TSHZ2: variants seen among roughly 807,000 people sequenced by gnomAD.
TSHZ2 encodes the protein teashirt zinc finger homeobox 2, also known as teashirt homolog 2.
A neutral mutation model predicts 74.4 loss-of-function variants in TSHZ2; 21 were observed. That is an observed-to-expected ratio of 0.28 (90% CI 0.20 to 0.41). TSHZ2 has a LOEUF of 0.41. Among genes scored for constraint, TSHZ2 ranks in the 10% least tolerant of loss-of-function variants. The pLI, the probability that TSHZ2 is intolerant of heterozygous loss-of-function variation, is 1.00. For synonymous variants in TSHZ2, 540 were observed against 515.3 expected, an observed-to-expected ratio of 1.05 and a Z score of -0.65; for missense variants, 1,244 against 1,293.5, an observed-to-expected ratio of 0.96 and a Z score of 0.59.
At chr20:53,427,439 G>A (rs574366159) in intron 2 of TSHZ2, among the ~76,000 whole-genome samples, 51 of 151,270 alleles carry the variant, frequency 3.4e-4, no homozygotes, top group Middle Eastern at 3.4e-3. Flanking sequence ...ACCCACCCCT[G>A]TCGACTTAAA....
chr20:53,338,534 G>T (rs971265260), intron 2 of TSHZ2, among the ~76,000 whole-genome samples: 1 of 152,220 alleles, frequency 6.6e-6, no homozygotes, highest in East Asian at 1.9e-4. Flanking sequence ...AGGTGACTTT[G>T]CCTTCTAGGG....
intron 1 of TSHZ2, among the ~76,000 whole-genome samples, chr20:52,977,880 G>A (rs1184154199): frequency 2.0e-5 from 3 of 152,238 alleles, no homozygotes; most frequent in Non-Finnish European, 4.4e-5. Flanking sequence ...AGGCTTAAGA[G>A]TTTGGATGCT....
In TSHZ2 at chr20:53,255,828, C is replaced by T. The variant is rs138612067; in HGVS notation, c.2370C>T (p.His790=). 8.7e-6 allele frequency: 14 copies of T among 1,612,714 alleles called. No homozygotes were observed. Among genetic ancestry groups the T allele is most frequent in the East Asian group, 4.5e-5 (2 of 44,868 alleles). ...CTTGTATGTCCCCACCTCAGAAGCA[C>T]GCTCTGTCTGACATCGCCGACATGG... ...AQSCMSPPQK[H]ALSDIADMVK... is the part of the protein sequence containing the mutation. Residue 790 remains histidine (H), a synonymous_variant, in exon 2 of 3, where the codon CAC becomes CAT. Coordinates refer to ENST00000371497, the MANE Select transcript of TSHZ2 (RefSeq NM_173485.6). This position sits in a 1 kb window ranked among gnomAD's most constrained non-coding sequence, Gnocchi z 4.1.
intron 2 of TSHZ2, among the ~76,000 whole-genome samples, chr20:53,423,347 G>A (rs987207860): frequency 2.0e-4 from 31 of 152,240 alleles, no homozygotes; most frequent in African/African-American, 7.0e-4. Context: ...TCATGCCACT[G>A]CACTCCAGCC....
chr20:53,185,348 T>C (rs1988574783), intron 1 of TSHZ2: 1 of 1,148,266 alleles, frequency 8.7e-7, no homozygotes, highest in Admixed American at 4.0e-5. Flanking sequence ...ACACAAAATC[T>C]GTTTGCTCCA....
At chr20:53,227,898 T>C (rs1221891161) in intron 1 of TSHZ2, among the ~76,000 whole-genome samples, 1 of 152,164 alleles carries the variant, frequency 6.6e-6, no homozygotes, top group African/African-American at 2.4e-5. Flanking sequence ...TCTCTCCTTT[T>C]TCTTATTTTT....
intron 2 of TSHZ2, among the ~76,000 whole-genome samples, chr20:53,429,125 C>T (rs1213317636): frequency 2.6e-5 from 4 of 152,044 alleles, no homozygotes; most frequent in African/African-American, 9.7e-5. Flanking sequence ...AGAAATAACC[C>T]ACTGCCTCCG....
intron 1 of TSHZ2, among the ~76,000 whole-genome samples, chr20:53,250,052 C>T (rs569612001): frequency 2.6e-5 from 4 of 152,156 alleles, no homozygotes; most frequent in East Asian, 1.9e-4. Context: ...CGGATTTGCT[C>T]GTGAATCAGC....
intron 1 of TSHZ2, among the ~76,000 whole-genome samples, chr20:53,141,409 A>T (rs544269087): frequency 4.8e-4 from 73 of 152,262 alleles, no homozygotes; most frequent in South Asian, 1.5e-3. Flanking sequence ...TCTATTTATG[A>T]TCCCCACCGT....
At chr20:53,050,788 T>G (rs1349263594) in intron 1 of TSHZ2, among the ~76,000 whole-genome samples, 1 of 152,212 alleles carries the variant, frequency 6.6e-6, no homozygotes, top group Non-Finnish European at 1.5e-5. Flanking sequence ...TGGTGTGCTG[T>G]GTGTAAACCT....
chr20:53,185,390 G>A, intron 1 of TSHZ2: 3 of 1,238,020 alleles, frequency 2.4e-6, no homozygotes, highest in Non-Finnish European at 3.1e-6. Context: ...TTAAGATGAT[G>A]GTGGCCAGGC....
intron 1 of TSHZ2, among the ~76,000 whole-genome samples, chr20:52,986,136 A>G (rs763325051): frequency 6.6e-6 from 1 of 152,210 alleles, no homozygotes; most frequent in African/African-American, 2.4e-5. Context: ...TCACGCCTGT[A>G]ATCCCAGCAC....
At chr20:53,147,169 G>A (rs952304535) in intron 1 of TSHZ2, among the ~76,000 whole-genome samples, 1 of 151,966 alleles carries the variant, frequency 6.6e-6, no homozygotes, top group Non-Finnish European at 1.5e-5. Context: ...TTCCTCATGT[G>A]ACTCTCATTA....
At chr20:52,999,828 T>C (rs1266012083) in intron 1 of TSHZ2, among the ~76,000 whole-genome samples, 1 of 152,212 alleles carries the variant, frequency 6.6e-6, no homozygotes, top group African/African-American at 2.4e-5. Context: ...ATGGTTGAGA[T>C]GCTGTATACC....
chr20:53,238,030 C>T (rs1251138686), intron 1 of TSHZ2, among the ~76,000 whole-genome samples: 1 of 152,120 alleles, frequency 6.6e-6, no homozygotes, highest in Non-Finnish European at 1.5e-5. Flanking sequence ...GGAATATTTG[C>T]TATCTAGAAA....
intron 1 of TSHZ2, among the ~76,000 whole-genome samples, chr20:53,033,716 G>A (rs1009326139): frequency 1.5e-5 from 2 of 136,066 alleles, no homozygotes; most frequent in Non-Finnish European, 3.0e-5. Flanking sequence ...CTGGAGTGCA[G>A]TGGTGTGATC....
chr20:53,153,125 C>T (rs528816517), intron 1 of TSHZ2, among the ~76,000 whole-genome samples: 92 of 152,228 alleles, frequency 6.0e-4, no homozygotes, highest in Admixed American at 1.7e-3. Context: ...CCTATGCAGC[C>T]GCATGGAACC....
intron 1 of TSHZ2, among the ~76,000 whole-genome samples, chr20:53,150,010 A>T (rs1987637635): frequency 6.6e-6 from 1 of 152,236 alleles, no homozygotes; most frequent in Non-Finnish European, 1.5e-5. Flanking sequence ...TTAAAGTAAT[A>T]AAAAGAAGTT....
chr20:53,202,124 C>T (rs1989024548), intron 1 of TSHZ2, among the ~76,000 whole-genome samples: 1 of 152,208 alleles, frequency 6.6e-6, no homozygotes, highest in Admixed American at 6.5e-5. Context: ...ATGTTCTCTC[C>T]AAGCATTTCT....
Sources: allele counts gnomAD v4.1 joint callset (sites outside exome capture counted in the v4.1 genomes callset), GRCh38; gene constraint gnomAD v4.1.1; non-coding constraint Gnocchi (gnomAD v3.1); transcripts MANE v1.5; gene names NCBI Gene and HGNC (gene_info 2026-07-23, HGNC 2026-07-21).